Variants in MEF2C observed in about 807,000 individuals in gnomAD.
MEF2C encodes myocyte enhancer factor 2C.
MEF2C carries 6 observed loss-of-function variants against 50.5 expected under a neutral mutation model. The ratio of observed to expected loss-of-function variants is 0.12; its 90% CI spans 0.07 to 0.23. MEF2C has a LOEUF of 0.23. MEF2C is among the 10% of genes least tolerant of loss of function. MEF2C has a pLI of 1.00. For missense variants in MEF2C, 276 were observed against 605.0 expected (o/e 0.46, Z 5.70); for synonymous variants, 183 against 228.0 (o/e 0.80, Z 1.78).
At chr5:88,867,600 CTT>C (rs1425379554) in intron 1 of MEF2C, among the ~76,000 whole-genome samples, 1 of 152,054 alleles carries the variant, frequency 6.6e-6, no homozygotes, top group Non-Finnish European at 1.5e-5. Flanking sequence ...TTTTTATTGT[CTT>C]ATTATAATTA....
intron 2 of MEF2C, among the ~76,000 whole-genome samples, chr5:88,809,632 T>C (rs1415007164): frequency 6.6e-6 from 1 of 152,174 alleles, no homozygotes; most frequent in African/African-American, 2.4e-5. Flanking sequence ...CGTATTTTTA[T>C]TTAGAGTTGG....
chr5:88,893,899 CA>C (rs1192963207), intron 1 of MEF2C, among the ~76,000 whole-genome samples: 1 of 152,150 alleles, frequency 6.6e-6, no homozygotes, highest in Admixed American at 6.5e-5. Flanking sequence ...GTCAAAGACT[CA>C]AACAAAAGGC....
chr5:88,877,297 C>G (rs1264318561), intron 1 of MEF2C, among the ~76,000 whole-genome samples: 1 of 151,702 alleles, frequency 6.6e-6, no homozygotes, highest in East Asian at 1.9e-4. Flanking sequence ...AAATATATAC[C>G]AAGATTTAAC....
chr5:88,856,884 T>A (rs1211600426), intron 1 of MEF2C, among the ~76,000 whole-genome samples: 1 of 152,216 alleles, frequency 6.6e-6, no homozygotes, highest in Non-Finnish European at 1.5e-5. Flanking sequence ...GGGAAATATG[T>A]GGTCAGAGCC....
chr5:88,873,951 T>C (rs1464479098), intron 1 of MEF2C, among the ~76,000 whole-genome samples: 1 of 151,920 alleles, frequency 6.6e-6, no homozygotes, highest in East Asian at 1.9e-4. Flanking sequence ...ATTTATATAG[T>C]ACCTTTTAAA....
rs1387050630 is a variant in MEF2C at position 88,721,899 on chromosome 5, T to C, written c.*705A>G. On this transcript the variant is annotated 3_prime_UTR_variant, in exon 11 of 11. Coordinates refer to ENST00000504921, the MANE Select transcript of MEF2C (RefSeq NM_002397.5). ...TTTGCAAACTCTGTCTTACCTTTTA[T>C]ATGAAAATAAGCAAAATGTAATGTA... The C allele has an allele frequency of 1.3e-5, 2 of 152,660 alleles. No homozygotes were observed. The highest frequency in any genetic ancestry group is 2.9e-5 in the Non-Finnish European group (2 of 68,040). 9.5% of individuals were successfully genotyped at this position (152,660 alleles called of 1,614,324 possible). A position where few individuals can be genotyped will look rare whatever the true frequency, so the allele number is the denominator to read the frequency against.
intron 1 of MEF2C, chr5:88,824,450 A>G (rs1809951705): frequency 1.5e-6 from 1 of 653,572 alleles, no homozygotes; most frequent in Non-Finnish European, 1.9e-6. Flanking sequence ...GTAAATGTCA[A>G]CTAATTTAAA....
At chr5:88,785,987 C>G (rs1214071324) in intron 3 of MEF2C, among the ~76,000 whole-genome samples, 2 of 152,166 alleles carry the variant, frequency 1.3e-5, no homozygotes, top group Non-Finnish European at 2.9e-5. Flanking sequence ...GATTACTCAG[C>G]CTTCTATTCC....
chr5:88,781,019 T>C (rs887213158), intron 3 of MEF2C: 26 of 808,548 alleles, frequency 3.2e-5, no homozygotes, highest in Non-Finnish European at 3.7e-5. Context: ...AGTTCCACTT[T>C]TTTTTTCTTT....
chr5:88,745,431 G>C (rs1355743629), intron 6 of MEF2C, among the ~76,000 whole-genome samples: 1 of 152,270 alleles, frequency 6.6e-6, no homozygotes, highest in Non-Finnish European at 1.5e-5. Flanking sequence ...GCATGAAGCA[G>C]AAGAAGGAAA....
intron 1 of MEF2C, among the ~76,000 whole-genome samples, chr5:88,867,723 C>A (rs1364494067): frequency 1.3e-5 from 2 of 152,002 alleles, no homozygotes; most frequent in Non-Finnish European, 2.9e-5. Context: ...AGTGGAATTC[C>A]TAAGTCATAC....
intron 4 of MEF2C, among the ~76,000 whole-genome samples, chr5:88,757,009 G>A (rs892646489): frequency 2.0e-5 from 3 of 152,142 alleles, no homozygotes; most frequent in Non-Finnish European, 4.4e-5. Context: ...AAAGTATTAA[G>A]AACTTCAAGA....
chr5:88,735,262 G>T (rs987431679), intron 6 of MEF2C: 1 of 985,268 alleles, frequency 1.0e-6, no homozygotes, highest in Non-Finnish European at 1.2e-6. Flanking sequence ...ATTCACCAAA[G>T]AGAATGGTCG....
chr5:88,729,252 T>C lies in MEF2C; in HGVS notation c.930A>G (p.Gly310=). 1 of 1,613,270 alleles carries C rather than the reference T, an allele frequency of 6.2e-7. No homozygotes were observed. Among genetic ancestry groups the C allele is most frequent in the Non-Finnish European group, 8.5e-7 (1 of 1,179,438 alleles). The change falls in exon 9 of 11, where the codon GGA becomes GGG. Residue 310 remains glycine (G), a synonymous_variant. Coordinates refer to ENST00000504921, the MANE Select transcript of MEF2C (RefSeq NM_002397.5). Reference sequence around the variant, plus strand: ...ATGTTGTTGAAATGGCTGATGGATATCCTCCCATTCCTTGTCCTGGTAAAG... The same window carrying C: ...ATGTTGTTGAAATGGCTGATGGATACCCTCCCATTCCTTGTCCTGGTAAAG... ...TPTLPGQGMG[G]YPSAISTTYG...
Position 88,734,570 on chromosome 5 carries a change from T to TTG in MEF2C, c.638-2670_638-2669insCA, listed in dbSNP as rs1322967118. On this transcript the variant is annotated intron_variant, in intron 6 of 10. Coordinates refer to ENST00000504921, the MANE Select transcript of MEF2C (RefSeq NM_002397.5). The stretch of plus-strand genomic sequence containing the variant: ...GGAGGCCTTGAGAAAAGTTTGTTTT[T>TTG]TTTTTTTTTTTTTTTTTTTTTTTTT... 95 of 448,688 alleles carry TTG rather than the reference T, an allele frequency of 2.1e-4. No individual in the cohort carries two copies. The African/African-American group carries it at 3.1e-3, about 15-fold the overall frequency. 27.8% of individuals were successfully genotyped at this position (448,688 alleles called of 1,614,324 possible). A position where few individuals can be genotyped will look rare whatever the true frequency, so the allele number is the denominator to read the frequency against.
intron 4 of MEF2C, among the ~76,000 whole-genome samples, chr5:88,757,856 A>C (rs1776066544): frequency 6.6e-6 from 1 of 152,090 alleles, no homozygotes; most frequent in Non-Finnish European, 1.5e-5. Flanking sequence ...GCGGAGGTTG[A>C]GGGGAGCCAG....
chr5:88,860,909 C>G (rs533129240), intron 1 of MEF2C, among the ~76,000 whole-genome samples: 2 of 152,274 alleles, frequency 1.3e-5, no homozygotes, highest in South Asian at 4.1e-4. Context: ...AAGTCTTTTT[C>G]CAGCTTCGCC....
chr5:88,725,803 AGAGTTATCTCTCTCAG>A lies in MEF2C; in HGVS notation c.1100+2674_1100+2689del, dbSNP rs562458598. Among the ~76,000 whole-genome samples the A allele has an allele frequency of 1.4e-4, 21 of 152,294 alleles. No homozygotes were observed. In the South Asian group the frequency reaches 4.3e-3, roughly 32 times the overall value. ...AACCTTTTATAAGTCATCTCTACTC[AGAGTTATCTCTCTCAG>A]TATGTACTGAACACCCACATCAACA... On this transcript the variant is annotated intron_variant, in intron 10 of 10. Transcript: ENST00000504921.
chr5:88,888,409 G>A (rs1834207051), intron 1 of MEF2C, among the ~76,000 whole-genome samples: 1 of 152,220 alleles, frequency 6.6e-6, no homozygotes, highest in African/African-American at 2.4e-5. Flanking sequence ...CATTTATAAA[G>A]CCTCTATATT....
Sources: allele counts gnomAD v4.1 joint callset (sites outside exome capture counted in the v4.1 genomes callset), GRCh38; gene constraint gnomAD v4.1.1; transcripts MANE v1.5; gene names NCBI Gene and HGNC (gene_info 2026-07-23, HGNC 2026-07-21).